Variants in ZNF699 observed in about 807,000 individuals in gnomAD.
ZNF699 encodes zinc finger protein 699.
ZNF699 carries 18 observed loss-of-function variants against 22.5 expected under a neutral mutation model. That is an observed-to-expected ratio of 0.80 (90% CI 0.55 to 1.19). The LOEUF (loss-of-function observed/expected upper bound fraction) is 1.19. ZNF699 is among the 50% of genes most tolerant of loss of function. ZNF699 has a pLI of 0.00. For missense variants in ZNF699, 670 were observed against 763.4 expected, an observed-to-expected ratio of 0.88 and a Z score of 1.44; for synonymous variants, 241 against 262.3, an observed-to-expected ratio of 0.92 and a Z score of 0.78.
chr19:9,307,542 G>A (rs754317302), intron 1 of ZNF699, among the ~76,000 whole-genome samples: 15 of 152,204 alleles, frequency 9.9e-5, no homozygotes, highest in Non-Finnish European at 2.1e-4. Flanking sequence ...GACAGGTAAT[G>A]TGGCAGGGTA....
intron 3 of ZNF699, among the ~76,000 whole-genome samples, chr19:9,301,644 C>T (rs2144979895): frequency 6.6e-6 from 1 of 152,326 alleles, no homozygotes; most frequent in Non-Finnish European, 1.5e-5. Context: ...CTTACTAGGA[C>T]ATGTAAGAGG....
chr19:9,295,292 A>G lies in ZNF699; in HGVS notation c.*183T>C, dbSNP rs745465646. ...GAGATTTTCTTATACATAATAAGCA[A>G]TGTTCATAAAGGCTTTAGCACATGA... On this transcript the variant is annotated 3_prime_UTR_variant, in exon 6 of 6. Coordinates refer to ENST00000591998, the MANE Select transcript of ZNF699 (RefSeq NM_198535.3). The G allele has an allele frequency of 1.1e-5, 7 of 656,026 alleles. No homozygotes were observed. The highest frequency in any genetic ancestry group is 5.5e-5 in the East Asian group (2 of 36,500). The allele number at this position is 656,026 out of a possible 1,614,324, so 40.6% of individuals were successfully genotyped here.
Position 9,297,298 on chromosome 19 carries a change from C to G in ZNF699, c.468G>C (p.Leu156Phe). ...TCTTTCTCACGAATGGCACTCACCT[C>G]AAATGTCTCTCATGGCTTTTGTTCT... ...DYQNKSHERH[L>F]RNHMVENIYE... The change falls in exon 5 of 6, where the codon TTG becomes TTC. Residue 156 changes from leucine (L) to phenylalanine (F), a missense_variant and splice_region_variant. By Grantham distance (22) the Leu-to-Phe change is conservative. Transcript: ENST00000591998. The surrounding 1 kb of genome is among the most constrained non-coding windows in gnomAD (Gnocchi z 4.3). 1 of 1,587,128 alleles carries G rather than the reference C, an allele frequency of 6.3e-7. No homozygotes were observed. Among genetic ancestry groups the G allele is most frequent in the Non-Finnish European group, 8.5e-7 (1 of 1,174,618 alleles).
In ZNF699 at chr19:9,296,220, T is replaced by G; in HGVS notation, c.1184A>C (p.Glu395Ala). 6.2e-7 allele frequency: 1 copy of G among 1,614,120 alleles called. No homozygotes were observed. Among genetic ancestry groups the G allele is most frequent in the Non-Finnish European group, 8.5e-7 (1 of 1,179,988 alleles). The change falls in exon 6 of 6, where the codon GAA becomes GCA. Residue 395 changes from glutamate to alanine, a missense_variant. Physicochemically the swap from Glu to Ala is moderately radical, Grantham distance 107. Transcript: ENST00000591998. ...GGGACAATTGTAGGCTTTCCCACAT[T>G]CCTTACATTTATAGGGTTTCTCTCC... ...HTGEKPYKCKECGKAYNCPSS... is the reference protein window; with the variant it reads ...HTGEKPYKCKACGKAYNCPSS...
chr19:9,296,350 T>C lies in ZNF699; in HGVS notation c.1054A>G (p.Ile352Val). The C allele has an allele frequency of 6.2e-7, 1 of 1,611,650 alleles. No individual in the cohort carries two copies. Among genetic ancestry groups the C allele is most frequent in the Non-Finnish European group, 8.5e-7 (1 of 1,179,244 alleles). Residue 352 changes from isoleucine (I) to valine (V), a missense_variant, in exon 6 of 6, where the codon ATA becomes GTA. By Grantham distance (29) the Ile-to-Val change is conservative. Coordinates refer to ENST00000591998, the MANE Select transcript of ZNF699 (RefSeq NM_198535.3). ...TCTCCAGTGTGAATTCTTATATGTA[T>C]TATAAGGTGAGAGGAAGAGCTAAAG... is the stretch of plus-strand genomic sequence containing the variant. Reference protein sequence around the residue: ...KAFSSSSHLIIHIRIHTGEKP... With the variant: ...KAFSSSSHLIVHIRIHTGEKP...
rs2144976361 is a variant in ZNF699 at position 9,297,539 on chromosome 19, T to G, written c.287-60A>C. On this transcript the variant is annotated intron_variant, in intron 4 of 5. Coordinates refer to ENST00000591998, the MANE Select transcript of ZNF699 (RefSeq NM_198535.3). This position sits in a 1 kb window ranked among gnomAD's most constrained non-coding sequence, Gnocchi z 4.3. ...AAGGACTTTTAGCAGAGTGACTATTTCAGGACTTTGGTATTAATAGGCACA... is the reference window on the plus strand; with the variant it reads ...AAGGACTTTTAGCAGAGTGACTATTGCAGGACTTTGGTATTAATAGGCACA... 2.1e-6 allele frequency: 3 copies of G among 1,415,392 alleles called. No individual in the cohort carries two copies. In the East Asian group the frequency reaches 7.0e-5, roughly 33 times the overall value. The allele number at this position is 1,415,392 out of a possible 1,614,324, so 87.7% of individuals were successfully genotyped here.
chr19:9,304,021 A>G (rs2066317970), intron 2 of ZNF699, among the ~76,000 whole-genome samples: 1 of 151,952 alleles, frequency 6.6e-6, no homozygotes, highest in African/African-American at 2.4e-5. Context: ...GCGTTTCACC[A>G]TGTTGGCCAG....
chr19:9,304,881 C>A (rs994484660), intron 2 of ZNF699, among the ~76,000 whole-genome samples, 191 bp downstream of exon 2: 2 of 150,414 alleles, frequency 1.3e-5, no homozygotes, highest in African/African-American at 4.9e-5. Context: ...CAAGATGGTG[C>A]CACTGCACTC....
At chr19:9,301,137 AAGAG>A (rs57187431) in intron 3 of ZNF699, among the ~76,000 whole-genome samples, 2,117 of 144,568 alleles carry the variant, frequency 0.015, 35 homozygotes, top group African/African-American at 0.04. Flanking sequence ...ACAAAAAAAA[AAGAG>A]AGAGAGAGAG....
At position 9,293,068 on chromosome 19, in the gene ZNF699, G is replaced by A. The variant is rs963066130; in HGVS notation, c.*2407C>T. On this transcript the variant is annotated 3_prime_UTR_variant, in exon 6 of 6. Transcript: ENST00000591998. The stretch of plus-strand genomic sequence containing the variant: ...GGAGAATCACTTGAACCCAGGAAGC[G>A]GAGATTGCAGTGAGCAAGATCACGC... Among the ~76,000 whole-genome samples the A allele has an allele frequency of 4.0e-5, 6 of 151,058 alleles. No individual in the cohort carries two copies. The highest frequency in any genetic ancestry group is 1.9e-4 in the East Asian group (1 of 5,160).
chr19:9,306,951 G>A (rs1599255223), intron 1 of ZNF699, among the ~76,000 whole-genome samples: 1 of 152,252 alleles, frequency 6.6e-6, no homozygotes, highest in East Asian at 1.9e-4. Context: ...TGTAATCCCA[G>A]CACTTTGGGA....
rs2066291998 is a variant in ZNF699, at chr19:9,297,667, T to C, written c.287-188A>G. Among the ~76,000 whole-genome samples, 1 of 152,036 alleles carries C rather than the reference T, an allele frequency of 6.6e-6. No homozygotes were observed. The highest frequency in any genetic ancestry group is 6.6e-5 in the Admixed American group (1 of 15,264). On this transcript the variant is annotated intron_variant, in intron 4 of 5. Coordinates refer to ENST00000591998, the MANE Select transcript of ZNF699 (RefSeq NM_198535.3). This position sits in a 1 kb window ranked among gnomAD's most constrained non-coding sequence, Gnocchi z 4.3. The stretch of plus-strand genomic sequence containing the variant: ...AGAACAAAACAGAAATTGGATAAAA[T>C]GCACATGACCAAATGCCAACTTACA...
At chr19:9,298,556 C>A (rs1235391251) in intron 3 of ZNF699, among the ~76,000 whole-genome samples, 16 of 152,000 alleles carry the variant, frequency 1.1e-4, no homozygotes. Flanking sequence ...CAGACAGTCA[C>A]AACTGGGACA....
chr19:9,301,569 A>G (rs2066307310), intron 3 of ZNF699, among the ~76,000 whole-genome samples: 1 of 152,218 alleles, frequency 6.6e-6, no homozygotes, highest in Admixed American at 6.5e-5. Context: ...GCCTGCTTCC[A>G]TAGACCCATC....
In ZNF699 at chr19:9,295,232, C is replaced by A; in HGVS notation, c.*243G>T. 2.1e-6 allele frequency: 1 copy of A among 486,592 alleles called. No homozygotes were observed. Among genetic ancestry groups the A allele is most frequent in the South Asian group, 4.4e-5 (1 of 22,582 alleles). 30.1% of individuals were successfully genotyped at this position (486,592 alleles called of 1,614,324 possible). On this transcript the variant is annotated 3_prime_UTR_variant, in exon 6 of 6. Transcript: ENST00000591998. ...TGGTAATCAACGAGCCAGCATTCTA[C>A]TTTAAGGATGAGGCACTGATCTTCA...
At chr19:9,301,136 AAAGAG>A (rs1000853375) in intron 3 of ZNF699, among the ~76,000 whole-genome samples, 1 of 146,398 alleles carries the variant, frequency 6.8e-6, no homozygotes, top group Non-Finnish European at 1.5e-5. Flanking sequence ...TACAAAAAAA[AAAGAG>A]AGAGAGAGAG....
At chr19:9,305,155 T>C (rs2066322827) in intron 1 of ZNF699, 31 bp from the exon 2 acceptor site, 1 of 1,603,656 alleles carries the variant, frequency 6.2e-7, no homozygotes, top group Admixed American at 1.7e-5. Flanking sequence ...TATTGAGAAG[T>C]TAGAATTAAA....
intron 3 of ZNF699, among the ~76,000 whole-genome samples, chr19:9,299,318 T>C (rs1045283421): frequency 1.8e-4 from 28 of 152,304 alleles, no homozygotes; most frequent in African/African-American, 6.7e-4. Flanking sequence ...GTATTTTTAG[T>C]AGAGACGGGG....
Position 9,305,037 on chromosome 19 carries a change from A to G in ZNF699, c.48+35T>C, listed in dbSNP as rs759899987. On this transcript the variant is annotated intron_variant, in intron 2 of 5. Coordinates refer to ENST00000591998, the MANE Select transcript of ZNF699 (RefSeq NM_198535.3). ...ACTGAGGGAGACCTGGTACAATGGA[A>G]ATATTCTTTTGGACAATTATCACCT... is the stretch of plus-strand genomic sequence containing the variant. 2.5e-6 allele frequency: 4 copies of G among 1,572,252 alleles called. No individual in the cohort carries two copies. In the African/African-American group the frequency reaches 5.4e-5, roughly 21 times the overall value.
Sources: gnomAD v4.1 joint callset for allele counts (sites outside exome capture counted in the v4.1 genomes callset) on GRCh38, gnomAD v4.1.1 for gene constraint, Gnocchi (gnomAD v3.1) non-coding constraint, MANE v1.5 for transcripts, NCBI Gene and HGNC (gene_info 2026-07-23, HGNC 2026-07-21) for gene names.